Variants in VOPP1 observed in about 807,000 individuals in gnomAD.
VOPP1 encodes VOPP1 WW domain binding protein.
VOPP1 carries 8 observed loss-of-function variants against 23.5 expected under a neutral mutation model. The ratio of observed to expected loss-of-function variants is 0.34; its 90% confidence interval spans 0.20 to 0.61. The LOEUF is 0.61. Ranked by LOEUF, VOPP1 falls within the 20% of genes least tolerant of loss-of-function variation. VOPP1 has a pLI of 0.78. For synonymous variants in VOPP1, 83 were observed against 97.3 expected, an observed-to-expected ratio of 0.85 and a Z score of 0.86; for missense variants, 174 against 238.1, an observed-to-expected ratio of 0.73 and a Z score of 1.77.
chr7:55,532,427 C>CA (rs11430196), intron 1 of VOPP1, among the ~76,000 whole-genome samples: 3,460 of 152,342 alleles, frequency 0.023, 154 homozygotes, highest in African/African-American at 0.078. Flanking sequence ...TAAGAGCCTC[C>CA]TGCTAAGTCG....
At chr7:55,565,879 T>C (rs2129057198) in intron 1 of VOPP1, among the ~76,000 whole-genome samples, 1 of 152,264 alleles carries the variant, frequency 6.6e-6, no homozygotes, top group East Asian at 1.9e-4. Context: ...TAAGTGCCAG[T>C]GGGGAGGACC....
At chr7:55,541,064 G>A (rs553864925) in intron 1 of VOPP1, among the ~76,000 whole-genome samples, 3 of 152,158 alleles carry the variant, frequency 2.0e-5, no homozygotes, top group South Asian at 2.1e-4. Flanking sequence ...GATAAGGAAC[G>A]TATTTAAAGT....
At chr7:55,488,866 G>T (rs780805326) in intron 4 of VOPP1, among the ~76,000 whole-genome samples, 1 of 152,228 alleles carries the variant, frequency 6.6e-6, no homozygotes, top group African/African-American at 2.4e-5. Flanking sequence ...GGCACTGCCC[G>T]GACAGCCTCA....
chr7:55,517,944 A>C (rs927536169), intron 2 of VOPP1, among the ~76,000 whole-genome samples: 2 of 152,118 alleles, frequency 1.3e-5, no homozygotes, highest in African/African-American at 4.8e-5. Flanking sequence ...GGCTGGCCCC[A>C]AAAAAACAAC....
chr7:55,554,667 G>A (rs1453239598), intron 1 of VOPP1, among the ~76,000 whole-genome samples: 1 of 152,200 alleles, frequency 6.6e-6, no homozygotes, highest in Non-Finnish European at 1.5e-5. Context: ...ACCAATGGGC[G>A]GAGCTTTGGG....
chr7:55,517,517 C>G (rs1447168022), intron 2 of VOPP1, among the ~76,000 whole-genome samples: 2 of 152,180 alleles, frequency 1.3e-5, no homozygotes, highest in African/African-American at 2.4e-5. Flanking sequence ...GGCAGCCCGC[C>G]AGCCTCTCCT....
At chr7:55,572,046 C>A (rs1798381015) in intron 1 of VOPP1, among the ~76,000 whole-genome samples, 1 of 152,094 alleles carries the variant, frequency 6.6e-6, no homozygotes, top group Non-Finnish European at 1.5e-5. Flanking sequence ...GGGCGGGGTG[C>A]GAAAACCGAA....
At chr7:55,504,995 G>C (rs1794617624) in intron 2 of VOPP1, among the ~76,000 whole-genome samples, 2 of 152,140 alleles carry the variant, frequency 1.3e-5, no homozygotes, top group African/African-American at 4.8e-5. Context: ...CCCAAATATA[G>C]GACCTTATGC....
intron 4 of VOPP1, among the ~76,000 whole-genome samples, chr7:55,486,703 C>G (rs996336087): frequency 4.6e-5 from 7 of 152,234 alleles, no homozygotes; most frequent in African/African-American, 1.7e-4. Flanking sequence ...AAGGAATATT[C>G]TGGTAGCCAT....
At chr7:55,571,303 G>A (rs943039772) in intron 1 of VOPP1, among the ~76,000 whole-genome samples, 8 of 152,176 alleles carry the variant, frequency 5.3e-5, no homozygotes, top group Non-Finnish European at 1.2e-4. Context: ...TTTTAATAAA[G>A]GGCGAAGACA....
At chr7:55,489,673 G>A (rs142213866) in intron 4 of VOPP1, among the ~76,000 whole-genome samples, 1,744 of 152,244 alleles carry the variant, frequency 0.011, 12 homozygotes, top group Middle Eastern at 0.02. Flanking sequence ...AGCAATTCAG[G>A]CAGGTCTGCG....
intron 1 of VOPP1, among the ~76,000 whole-genome samples, chr7:55,527,766 C>G (rs925659602): frequency 1.6e-4 from 25 of 152,178 alleles, no homozygotes; most frequent in African/African-American, 5.8e-4. Flanking sequence ...AAAATTCCAA[C>G]AGGAAAAATA....
chr7:55,480,363 A>G (rs761942910), intron 4 of VOPP1, among the ~76,000 whole-genome samples: 5 of 152,182 alleles, frequency 3.3e-5, no homozygotes, highest in Admixed American at 6.5e-5. Context: ...AGATTTTCCA[A>G]TTCATGAATA....
At chr7:55,562,116 T>C (rs1798011262) in intron 1 of VOPP1, 3 of 701,454 alleles carry the variant, frequency 4.3e-6, no homozygotes, top group African/African-American at 3.5e-5. Flanking sequence ...CCTACCTCAT[T>C]CTAATGTACA....
intron 2 of VOPP1, among the ~76,000 whole-genome samples, chr7:55,515,015 C>A (rs1019944041): frequency 1.2e-4 from 19 of 152,166 alleles, no homozygotes; most frequent in African/African-American, 4.6e-4. Flanking sequence ...TGTGGAGGAG[C>A]CTCCCGAGGT....
chr7:55,510,482 T>C (rs1330286914), intron 2 of VOPP1, among the ~76,000 whole-genome samples: 1 of 152,160 alleles, frequency 6.6e-6, no homozygotes, highest in Non-Finnish European at 1.5e-5. Flanking sequence ...TCCTTCATTA[T>C]TTTGTCATGC....
At chr7:55,556,422 A>G (rs1368759259) in intron 1 of VOPP1, among the ~76,000 whole-genome samples, 1 of 152,194 alleles carries the variant, frequency 6.6e-6, no homozygotes, top group Non-Finnish European at 1.5e-5. Flanking sequence ...TCTATTTATA[A>G]TAAAGACACA....
intron 4 of VOPP1, among the ~76,000 whole-genome samples, chr7:55,449,349 C>G (rs1791183227): frequency 6.6e-6 from 1 of 152,174 alleles, no homozygotes; most frequent in South Asian, 2.1e-4. Context: ...CGCGGCGCCA[C>G]TGCGGCCCTG....
chr7:55,525,253 G>T (rs1796105358), intron 1 of VOPP1, among the ~76,000 whole-genome samples: 1 of 152,256 alleles, frequency 6.6e-6, no homozygotes, highest in South Asian at 2.1e-4. Context: ...CACTTTGGGA[G>T]GCCGAGGTGG....
Sources: allele counts gnomAD v4.1 joint callset (sites outside exome capture counted in the v4.1 genomes callset), GRCh38; gene constraint gnomAD v4.1.1; transcripts MANE v1.5; gene names NCBI Gene and HGNC (gene_info 2026-07-23, HGNC 2026-07-21).